Variants in CES3 observed in about 807,000 individuals in gnomAD.
CES3 encodes carboxylesterase 3 (brain).
CES3 carries 49 observed loss-of-function variants against 57.6 expected under a neutral mutation model. That is an observed-to-expected ratio of 0.85 (90% confidence interval 0.68 to 1.08). The LOEUF is 1.08. Ranked by LOEUF, CES3 falls within the 50% of genes least tolerant of loss-of-function variation. CES3 has a pLI of 0.00. For synonymous variants in CES3, 266 were observed against 281.6 expected, an observed-to-expected ratio of 0.94 and a Z score of 0.55; for missense variants, 645 against 742.0, an observed-to-expected ratio of 0.87 and a Z score of 1.52.
chr16:66,964,020 C>T (rs1417884909), intron 4 of CES3, 85 bp downstream of exon 4: 23 of 1,562,816 alleles, frequency 1.5e-5, no homozygotes, highest in East Asian at 6.8e-5. Context: ...GGTTGGGGTC[C>T]GGAACCTGAA....
intron 10 of CES3, 77 bp downstream of exon 10, chr16:66,971,396 T>C (rs1414377102): frequency 2.7e-6 from 4 of 1,500,758 alleles, no homozygotes; most frequent in African/African-American, 1.4e-5. Flanking sequence ...TGACATGGCA[T>C]GATAGGGTGC....
chr16:66,964,693 GGAT>G lies in CES3; in HGVS notation c.786_788del (p.Ile264del). ...CAGAGTGGGGTCATCACCACCCCAG[GGAT>G]CATCGACTCTCACCCTTGGCCCCTA... On this transcript the variant is annotated inframe_deletion, in exon 6 of 13. Coordinates refer to ENST00000303334, the MANE Select transcript of CES3 (RefSeq NM_024922.6). The G allele has an allele frequency of 6.2e-7, 1 of 1,614,054 alleles. No individual in the cohort carries two copies. Among genetic ancestry groups the G allele is most frequent in the Non-Finnish European group, 8.5e-7 (1 of 1,179,990 alleles).
At chr16:66,965,863 C>T (rs1963722348) in intron 6 of CES3, among the ~76,000 whole-genome samples, 1 of 152,106 alleles carries the variant, frequency 6.6e-6, no homozygotes, top group South Asian at 2.1e-4. Flanking sequence ...TGGTGTGAAC[C>T]CGGGACGCAG....
Position 66,963,227 on chromosome 16 carries a change from G to A in CES3, c.131G>A (p.Arg44Gln), listed in dbSNP as rs563888639. Residue 44 changes from arginine (R) to glutamine (Q), a missense_variant, in exon 2 of 13, where the codon CGA becomes CAA. By Grantham distance (43) the Arg-to-Gln change is conservative (BLOSUM62 1). Coordinates refer to ENST00000303334, the MANE Select transcript of CES3 (RefSeq NM_024922.6). The surrounding 1 kb of genome is among the most constrained non-coding windows in gnomAD (Gnocchi z 4.9). ...PEVDTTLGRV[R>Q]GRQVGVKGTD... The stretch of plus-strand genomic sequence containing the variant: ...GTAGACACCACCCTGGGTCGTGTGC[G>A]AGGCCGGCAGGTGGGCGTGAAGGGC... The A allele has an allele frequency of 2.0e-5, 32 of 1,614,230 alleles. No individual in the cohort carries two copies. The East Asian group carries it at 3.6e-4, about 18-fold the overall frequency.
chr16:66,963,033 A>T lies in CES3; in HGVS notation c.83-146A>T. ...GCAGGGAGGAGGAAGTTGGGCGTCA[A>T]CCTAAGACCAGGCTCACCGGCTTGC... On this transcript the variant is annotated intron_variant, in intron 1 of 12. Coordinates refer to ENST00000303334, the MANE Select transcript of CES3 (RefSeq NM_024922.6). The surrounding 1 kb of genome is among the most constrained non-coding windows in gnomAD (Gnocchi z 4.9). The T allele has an allele frequency of 1.2e-6, 1 of 856,416 alleles. No homozygotes were observed. The highest frequency in any genetic ancestry group is 1.7e-5 in the African/African-American group (1 of 60,282). 53.1% of individuals were successfully genotyped at this position (856,416 alleles called of 1,614,324 possible).
rs545965471 is a variant in CES3 at position 66,967,534 on chromosome 16, G to A, written c.1062+669G>A. On this transcript the variant is annotated intron_variant, in intron 8 of 12. Coordinates refer to ENST00000303334, the MANE Select transcript of CES3 (RefSeq NM_024922.6). ...CTCAGGTTTTAGATATCAAGCCACC[G>A]GGGACTTCATGAGCCAAGTCCCTTC... 1.4e-4 allele frequency: 137 copies of A among 985,502 alleles called. No individual in the cohort carries two copies. In the South Asian group the frequency reaches 4.7e-3, roughly 33 times the overall value. 61.0% of individuals were successfully genotyped at this position (985,502 alleles called of 1,614,324 possible). A position where few individuals can be genotyped will look rare whatever the true frequency, so the allele number is the denominator to read the frequency against.
rs1194851550 is a variant in CES3, at chr16:66,966,881, C to A, written c.1062+16C>A. On this transcript the variant is annotated intron_variant, in intron 8 of 12. Transcript: ENST00000303334. ...CATCCCCAGGGTGAGTTGCTCCCACCCCTGTGCCCTTCAAGGCCCTGCCCC... is the reference window on the plus strand; with the variant it reads ...CATCCCCAGGGTGAGTTGCTCCCACACCTGTGCCCTTCAAGGCCCTGCCCC... The A allele has an allele frequency of 5.6e-6, 9 of 1,613,654 alleles. No individual in the cohort carries two copies. Among genetic ancestry groups the A allele is most frequent in the Admixed American group, 1.7e-5 (1 of 60,004 alleles).
intron 5 of CES3, 31 bp downstream of exon 5, chr16:66,964,541 G>T (rs540138904): frequency 1.2e-6 from 2 of 1,612,538 alleles, no homozygotes; most frequent in South Asian, 2.2e-5. Context: ...AGTGATGGTG[G>T]CCAGGAGGGC....
At chr16:66,967,890 C>T (rs138938097) in intron 8 of CES3, 141 of 414,672 alleles carry the variant, frequency 3.4e-4, no homozygotes, top group African/African-American at 2.9e-3. Context: ...CTGAGTAGCT[C>T]GGGCCTCAGG....
chr16:66,967,004 G>T, intron 8 of CES3, 139 bp downstream of exon 8: 1 of 1,068,556 alleles, frequency 9.4e-7, no homozygotes, highest in Non-Finnish European at 1.3e-6. Flanking sequence ...GGCCCAGAAA[G>T]GTTTGAGGGA....
In CES3 at chr16:66,973,135, C is replaced by G. The variant is rs1043048084; in HGVS notation, c.*86C>G. ...GCACGGCAGCCCGCCTCTCCCCCTG[C>G]TGAGACTTTAATCTCCACCAGCCCT... On this transcript the variant is annotated 3_prime_UTR_variant, in exon 13 of 13. Transcript: ENST00000303334. The G allele has an allele frequency of 2.5e-5, 30 of 1,223,142 alleles. No homozygotes were observed. The African/African-American group carries it at 3.9e-4, about 16-fold the overall frequency. 75.8% of individuals were successfully genotyped at this position (1,223,142 alleles called of 1,614,324 possible).
rs1303974609 is a variant in CES3 at position 66,963,315 on chromosome 16, C to G, written c.219C>G (p.Asp73Glu). The change falls in exon 2 of 13, where the codon GAC (aspartate) becomes GAG (glutamate). Residue 73 changes from aspartate (D) to glutamate (E), a missense_variant. Asp to Glu is a conservative substitution (Grantham distance 45). Coordinates refer to ENST00000303334, the MANE Select transcript of CES3 (RefSeq NM_024922.6). The surrounding 1 kb of genome is among the most constrained non-coding windows in gnomAD (Gnocchi z 4.9). The part of the protein sequence containing the change: ...IPFAQPPLGP[D>E]RFSAPHPAQP... ...TTGCCCAGCCGCCACTGGGCCCTGA[C>G]CGGTTCTCAGCCCCACACCCAGCAC... 2 of 1,613,708 alleles carry G rather than the reference C, an allele frequency of 1.2e-6. No individual in the cohort carries two copies. The highest frequency in any genetic ancestry group is 4.5e-5 in the East Asian group (2 of 44,884).
Position 66,963,638 on chromosome 16 carries a change from C to A in CES3, c.426+9C>A. 1.9e-6 allele frequency: 3 copies of A among 1,613,962 alleles called. No homozygotes were observed. The highest frequency in any genetic ancestry group is 2.2e-5 in the South Asian group (2 of 91,080). On this transcript the variant is annotated intron_variant, in intron 3 of 12. Transcript: ENST00000303334. The surrounding 1 kb of genome is among the most constrained non-coding windows in gnomAD (Gnocchi z 4.9). ...CAGGGTCCGGTAGGCCGGTAGGCACCCCAGAGGGCCCTGTCCACCTGATCC... is the reference window on the plus strand; with the variant it reads ...CAGGGTCCGGTAGGCCGGTAGGCACACCAGAGGGCCCTGTCCACCTGATCC...
chr16:66,971,511 C>T (rs1963833225), intron 10 of CES3, among the ~76,000 whole-genome samples, 192 bp downstream of exon 10: 1 of 152,196 alleles, frequency 6.6e-6, no homozygotes, highest in Non-Finnish European at 1.5e-5. Context: ...CAGCAGGAAA[C>T]TATGCAGAGG....
In CES3 at chr16:66,966,880, C is replaced by A; in HGVS notation, c.1062+15C>A. On this transcript the variant is annotated intron_variant, in intron 8 of 12. Coordinates refer to ENST00000303334, the MANE Select transcript of CES3 (RefSeq NM_024922.6). ...TCATCCCCAGGGTGAGTTGCTCCCA[C>A]CCCTGTGCCCTTCAAGGCCCTGCCC... The A allele has an allele frequency of 6.2e-7, 1 of 1,613,620 alleles. No individual in the cohort carries two copies. The highest frequency in any genetic ancestry group is 8.5e-7 in the Non-Finnish European group (1 of 1,179,964).
intron 8 of CES3, among the ~76,000 whole-genome samples, chr16:66,967,317 G>T (rs918067406): frequency 1.3e-5 from 2 of 152,236 alleles, no homozygotes; most frequent in Non-Finnish European, 2.9e-5. Flanking sequence ...GCCTTCCGAA[G>T]TGTTGGGATT....
intron 6 of CES3, among the ~76,000 whole-genome samples, chr16:66,965,299 G>A (rs1381570723): frequency 6.6e-6 from 1 of 152,196 alleles, no homozygotes; most frequent in Non-Finnish European, 1.5e-5. Context: ...GCAATGACAA[G>A]GTTGAGCTAC....
Position 66,963,643 on chromosome 16 carries a change from A to T in CES3, c.426+14A>T, listed in dbSNP as rs557640361. On this transcript the variant is annotated intron_variant, in intron 3 of 12. Coordinates refer to ENST00000303334, the MANE Select transcript of CES3 (RefSeq NM_024922.6). The surrounding 1 kb of genome is among the most constrained non-coding windows in gnomAD (Gnocchi z 4.9). Reference sequence around the variant, plus strand: ...TCCGGTAGGCCGGTAGGCACCCCAGAGGGCCCTGTCCACCTGATCCAGCTC... The same window carrying T: ...TCCGGTAGGCCGGTAGGCACCCCAGTGGGCCCTGTCCACCTGATCCAGCTC... 8.1e-6 allele frequency: 13 copies of T among 1,613,936 alleles called. No individual in the cohort carries two copies. The highest frequency in any genetic ancestry group is 6.7e-5 in the African/African-American group (5 of 75,050).
At chr16:66,966,607 T>C in intron 7 of CES3, 118 bp from the exon 8 acceptor site, 1 of 1,318,288 alleles carries the variant, frequency 7.6e-7, no homozygotes, top group East Asian at 2.3e-5. Context: ...GTGATCTTCA[T>C]CCCTTCACTT....
Sources: allele counts gnomAD v4.1 joint callset (sites outside exome capture counted in the v4.1 genomes callset), GRCh38; gene constraint gnomAD v4.1.1; non-coding constraint Gnocchi (gnomAD v3.1); transcripts MANE v1.5; gene names NCBI Gene and HGNC (gene_info 2026-07-23, HGNC 2026-07-21).